Variants in LRRC28 observed in about 807,000 individuals in gnomAD.
LRRC28 encodes the protein leucine-rich repeat-containing protein 28.
LRRC28 carries 39 observed loss-of-function variants against 45.7 expected under a neutral mutation model. That is an observed-to-expected ratio of 0.85 (90% CI 0.66 to 1.12). LRRC28 has a LOEUF of 1.12. Ranked by LOEUF, LRRC28 falls within the 50% of genes most tolerant of loss-of-function variation. The pLI, the probability that LRRC28 is intolerant of heterozygous loss-of-function variation, is 0.00. For missense variants in LRRC28, 435 were observed against 438.5 expected (o/e 0.99, Z 0.07); for synonymous variants, 206 against 178.8 (o/e 1.15, Z -1.22).
chr15:99,255,382 G>A (rs901128380), intron 1 of LRRC28, among the ~76,000 whole-genome samples: 1 of 151,572 alleles, frequency 6.6e-6, no homozygotes, highest in South Asian at 2.1e-4. Context: ...AGAAAGAAAA[G>A]AATAAAGAGA....
intron 2 of LRRC28, among the ~76,000 whole-genome samples, chr15:99,275,503 C>T (rs996802175): frequency 6.6e-5 from 10 of 152,200 alleles, no homozygotes; most frequent in African/African-American, 2.2e-4. Context: ...TACTTTCTCT[C>T]GAGGAGCATG....
chr15:99,319,857 G>T (rs1955734156), intron 5 of LRRC28, among the ~76,000 whole-genome samples: 1 of 151,906 alleles, frequency 6.6e-6, no homozygotes, highest in African/African-American at 2.4e-5. Flanking sequence ...AGGCTGGAGT[G>T]CAGTGGTGCA....
chr15:99,383,670 C>G (rs1957897889), intron 9 of LRRC28, among the ~76,000 whole-genome samples: 1 of 152,184 alleles, frequency 6.6e-6, no homozygotes, highest in African/African-American at 2.4e-5. Flanking sequence ...TCTATGAAGG[C>G]ATCAAGGGTG....
intron 3 of LRRC28, among the ~76,000 whole-genome samples, chr15:99,282,296 A>G (rs1271740155): frequency 2.0e-5 from 3 of 150,312 alleles, no homozygotes. Context: ...AGACTTCTGT[A>G]CTTTGGGATT....
chr15:99,337,722 C>T (rs1597376015), intron 6 of LRRC28: 1 of 152,216 alleles, frequency 6.6e-6, no homozygotes, highest in Non-Finnish European at 1.5e-5. Context: ...GTTGAAGTAA[C>T]CACAACTCCC....
chr15:99,345,920 G>A (rs983796425), intron 6 of LRRC28, among the ~76,000 whole-genome samples: 2 of 152,166 alleles, frequency 1.3e-5, no homozygotes, highest in Non-Finnish European at 2.9e-5. Context: ...AGACACATGA[G>A]TCCTCTTATC....
intron 5 of LRRC28, among the ~76,000 whole-genome samples, chr15:99,317,020 G>A (rs553035138): frequency 5.3e-5 from 8 of 150,776 alleles, no homozygotes; most frequent in Middle Eastern, 3.4e-3. Context: ...TTTTTGGAGA[G>A]GTGGGGAAGG....
chr15:99,387,353 CCCG>C lies in LRRC28; in HGVS notation c.*1252_*1254del, dbSNP rs1958055323. 6.6e-6 allele frequency: 1 copy of C among 152,294 alleles called. No homozygotes were observed. The highest frequency in any genetic ancestry group is 1.5e-5 in the Non-Finnish European group (1 of 68,088). The allele number at this position is 152,294 out of a possible 1,614,324, so 9.4% of individuals were successfully genotyped here. On this transcript the variant is annotated 3_prime_UTR_variant, in exon 10 of 10. Transcript: ENST00000301981. The stretch of plus-strand genomic sequence containing the variant: ...GGGATTACAGGCGTGAGCCACCGCG[CCCG>C]GCCCACTACTGGTTTTTAACAGGAT...
At chr15:99,371,502 G>A (rs1172681137) in intron 9 of LRRC28, among the ~76,000 whole-genome samples, 2 of 152,120 alleles carry the variant, frequency 1.3e-5, no homozygotes, top group African/African-American at 2.4e-5. Flanking sequence ...CCACTCACTA[G>A]TAGTTTATTT....
At chr15:99,351,456 C>T (rs879542804) in intron 6 of LRRC28, among the ~76,000 whole-genome samples, 4 of 152,136 alleles carry the variant, frequency 2.6e-5, no homozygotes, top group African/African-American at 7.2e-5. Context: ...TTTGGGGCCC[C>T]CTTTCTCAAC....
chr15:99,260,081 T>C (rs1020117874), intron 2 of LRRC28: 1 of 508,004 alleles, frequency 2.0e-6, no homozygotes, highest in Non-Finnish European at 3.8e-6. Context: ...AGTCATTTCT[T>C]TTGGCAGAGA....
intron 5 of LRRC28, among the ~76,000 whole-genome samples, chr15:99,301,854 A>G (rs1954981638): frequency 6.6e-6 from 1 of 152,132 alleles, no homozygotes; most frequent in Non-Finnish European, 1.5e-5. Context: ...TAATGGTATG[A>G]CAAGAAAGAG....
At chr15:99,354,989 T>G (rs927325381) in intron 7 of LRRC28, among the ~76,000 whole-genome samples, 9 of 152,190 alleles carry the variant, frequency 5.9e-5, no homozygotes, top group Admixed American at 1.3e-4. Flanking sequence ...GTCTGAGATA[T>G]ATACGTATTT....
intron 3 of LRRC28, among the ~76,000 whole-genome samples, chr15:99,278,822 G>GC (rs1206373625): frequency 6.6e-6 from 1 of 152,196 alleles, no homozygotes; most frequent in Non-Finnish European, 1.5e-5. Context: ...AAGGTTGTTG[G>GC]CCAGGACTGC....
chr15:99,273,288 G>C (rs2081529095), intron 2 of LRRC28, among the ~76,000 whole-genome samples: 1 of 152,072 alleles, frequency 6.6e-6, no homozygotes, highest in Non-Finnish European at 1.5e-5. Flanking sequence ...CCAGGCTGGA[G>C]TGCAGTGGCG....
chr15:99,343,192 C>T (rs1002983128), intron 6 of LRRC28, among the ~76,000 whole-genome samples: 2 of 152,072 alleles, frequency 1.3e-5, no homozygotes, highest in African/African-American at 4.8e-5. Flanking sequence ...TGATTGATTG[C>T]TTTGATGTTG....
chr15:99,347,428 T>C lies in LRRC28; in HGVS notation c.593-4941T>C, dbSNP rs193129477. ...TCCACCGTATTAGCCAGGATGGTCT[T>C]GATCTCCTGACCTCGTGATCTGCCC... On this transcript the variant is annotated intron_variant, in intron 6 of 9. Coordinates refer to ENST00000301981, the MANE Select transcript of LRRC28 (RefSeq NM_144598.5). Among the ~76,000 whole-genome samples the C allele has an allele frequency of 1.7e-3, 264 of 152,306 alleles. 1 individual carries two copies. Among genetic ancestry groups the C allele is most frequent in the East Asian group, 2.9e-3 (15 of 5,180 alleles).
intron 5 of LRRC28, among the ~76,000 whole-genome samples, chr15:99,297,106 G>A (rs976453208): frequency 2.7e-5 from 4 of 150,292 alleles, no homozygotes; most frequent in Non-Finnish European, 4.4e-5. Flanking sequence ...GCCTGAACCC[G>A]GGAGGCAGAG....
At chr15:99,366,854 T>G (rs1441444699) in intron 9 of LRRC28, among the ~76,000 whole-genome samples, 1 of 151,720 alleles carries the variant, frequency 6.6e-6, no homozygotes, top group Non-Finnish European at 1.5e-5. Context: ...ATTCAACCCA[T>G]AACAGTCTGC....
Sources: allele counts gnomAD v4.1 joint callset (sites outside exome capture counted in the v4.1 genomes callset), GRCh38; gene constraint gnomAD v4.1.1; transcripts MANE v1.5; gene names NCBI Gene and HGNC (gene_info 2026-07-23, HGNC 2026-07-21).